The following ITGB5 variants were observed in gnomAD, a reference collection of about 807,000 sequenced individuals.
ITGB5 encodes integrin subunit beta 5.
Under a neutral mutation model 84.8 loss-of-function variants are expected in ITGB5, and 38 were observed. The ratio of observed to expected loss-of-function variants is 0.45; its 90% CI spans 0.35 to 0.59. The LOEUF (loss-of-function observed/expected upper bound fraction) is 0.59, where lower values mean the gene tolerates loss of function less well. Among genes scored for constraint, ITGB5 ranks in the 20% least tolerant of loss-of-function variants. The pLI is 0.01. For missense variants in ITGB5, 905 were observed against 1,034.5 expected, an observed-to-expected ratio of 0.87 and a Z score of 1.72; for synonymous variants, 393 against 414.4, an observed-to-expected ratio of 0.95 and a Z score of 0.63.
At chr3:124,875,255 A>T (rs961881188) in intron 1 of ITGB5, among the ~76,000 whole-genome samples, 1 of 152,140 alleles carries the variant, frequency 6.6e-6, no homozygotes, top group Non-Finnish European at 1.5e-5. Context: ...AGGTGGGTGG[A>T]TCACCTAAGA....
At chr3:124,851,078 C>T (rs140048850) in intron 3 of ITGB5, among the ~76,000 whole-genome samples, 2 of 152,260 alleles carry the variant, frequency 1.3e-5, no homozygotes, top group African/African-American at 4.8e-5. Flanking sequence ...TACTTTTTTA[C>T]GAATTATAAG....
intron 10 of ITGB5, among the ~76,000 whole-genome samples, chr3:124,784,862 G>C (rs536217997): frequency 6.6e-6 from 1 of 152,362 alleles, no homozygotes; most frequent in Non-Finnish European, 1.5e-5. Context: ...GGATGCGAGG[G>C]TTACTATTTT....
In ITGB5 at chr3:124,817,219, T is replaced by C. The variant is rs539473262; in HGVS notation, c.1128+402A>G. Among the ~76,000 whole-genome samples, 195 of 152,342 alleles carry C rather than the reference T, an allele frequency of 1.3e-3. 1 individual carries two copies. The highest frequency in any genetic ancestry group is 2.9e-4 in the Non-Finnish European group (20 of 68,030). On this transcript the variant is annotated intron_variant, in intron 8 of 14. Coordinates refer to ENST00000296181, the MANE Select transcript of ITGB5 (RefSeq NM_002213.5). ...CTTTTCACTTCTTGCAGTGTGGTCC[T>C]GTGGCTGGTGGATGCTCTGCTCCCT...
intron 11 of ITGB5, chr3:124,769,353 C>A: frequency 2.2e-6 from 1 of 461,866 alleles, no homozygotes; most frequent in Admixed American, 3.7e-5. Context: ...AGGTTGCAGA[C>A]CTTTCAAATT....
intron 2 of ITGB5, among the ~76,000 whole-genome samples, chr3:124,867,556 A>T (rs919326955): frequency 1.3e-5 from 2 of 152,204 alleles, no homozygotes; most frequent in African/African-American, 4.8e-5. Context: ...CTTGCGAGTG[A>T]CACGAGCATA....
intron 3 of ITGB5, among the ~76,000 whole-genome samples, chr3:124,856,034 G>A (rs2065218385): frequency 6.6e-6 from 1 of 151,836 alleles, no homozygotes; most frequent in Non-Finnish European, 1.5e-5. Flanking sequence ...CAAACTCCTG[G>A]GTTCAAGGGA....
intron 3 of ITGB5, chr3:124,857,121 A>G (rs1054327285): frequency 1.3e-5 from 2 of 152,218 alleles, no homozygotes; most frequent in Non-Finnish European, 1.5e-5. Flanking sequence ...AAATAGACAA[A>G]ATAAAACATT....
At chr3:124,778,336 T>C (rs1358117217) in intron 10 of ITGB5, among the ~76,000 whole-genome samples, 1 of 152,248 alleles carries the variant, frequency 6.6e-6, no homozygotes, top group African/African-American at 2.4e-5. Flanking sequence ...CAGCTTTCCA[T>C]CAGCAAAAGT....
At chr3:124,849,432 C>A (rs979060217) in intron 3 of ITGB5, among the ~76,000 whole-genome samples, 3 of 152,132 alleles carry the variant, frequency 2.0e-5, no homozygotes, top group Non-Finnish European at 4.4e-5. Context: ...CATGCTTATG[C>A]CACATCACCT....
chr3:124,780,398 T>C (rs1181168946), intron 10 of ITGB5, among the ~76,000 whole-genome samples: 1 of 152,176 alleles, frequency 6.6e-6, no homozygotes, highest in Non-Finnish European at 1.5e-5. Flanking sequence ...CAGCTCAGTG[T>C]TATAACCAGG....
intron 1 of ITGB5, among the ~76,000 whole-genome samples, chr3:124,892,916 G>T (rs1935031945): frequency 6.6e-6 from 1 of 152,044 alleles, no homozygotes; most frequent in Non-Finnish European, 1.5e-5. Flanking sequence ...AACATGCAGG[G>T]AGAAAAAGAG....
intron 4 of ITGB5, among the ~76,000 whole-genome samples, chr3:124,844,379 G>T (rs1451617887): frequency 1.3e-5 from 2 of 152,066 alleles, no homozygotes; most frequent in African/African-American, 4.8e-5. Flanking sequence ...GGCCAACGTG[G>T]TGAAACGCCA....
chr3:124,796,318 G>A, intron 10 of ITGB5, 70 bp downstream of exon 10: 5 of 1,380,030 alleles, frequency 3.6e-6, no homozygotes, highest in Admixed American at 1.9e-5. Flanking sequence ...GTAAAAGGCA[G>A]GCTTTGGGAG....
chr3:124,764,604 G>C (rs1344070151), intron 13 of ITGB5, 47 bp from the exon 14 acceptor site: 1 of 1,563,844 alleles, frequency 6.4e-7, no homozygotes, highest in Admixed American at 1.7e-5. Context: ...GCATCACCAT[G>C]CCCCTCTCAC....
At chr3:124,774,581 A>G (rs4558801) in intron 10 of ITGB5, among the ~76,000 whole-genome samples, 25,081 of 152,162 alleles carry the variant, frequency 0.16, 2,277 homozygotes, top group Admixed American at 0.25. Context: ...CCTCCATGTT[A>G]GCCCAGTGAA....
chr3:124,891,131 A>G (rs943086939), upstream of ITGB5, among the ~76,000 whole-genome samples: 4 of 152,234 alleles, frequency 2.6e-5, no homozygotes, highest in African/African-American at 9.6e-5. Flanking sequence ...GAGAAATTTT[A>G]TGTTTCTTAT....
intron 10 of ITGB5, among the ~76,000 whole-genome samples, chr3:124,795,296 C>T (rs544844710): frequency 1.3e-5 from 2 of 152,156 alleles, no homozygotes; most frequent in East Asian, 1.9e-4. Flanking sequence ...CAAGACCAGC[C>T]TGGCCAACAT....
chr3:124,773,922 TA>T lies in ITGB5; in HGVS notation c.1694-11del. On this transcript the variant is annotated splice_polypyrimidine_tract_variant and intron_variant, in intron 10 of 14. Transcript: ENST00000296181. ...TGACACTCGCCATGGCCTAAAAGGA[TA>T]CATGTGGCACATCAGCACCTGCTCA... 6.2e-7 allele frequency: 1 copy of T among 1,613,146 alleles called. No individual in the cohort carries two copies. The highest frequency in any genetic ancestry group is 1.1e-5 in the South Asian group (1 of 91,052).
intron 2 of ITGB5, among the ~76,000 whole-genome samples, chr3:124,871,168 G>A (rs1324951781): frequency 2.0e-5 from 3 of 151,772 alleles, no homozygotes; most frequent in African/African-American, 4.8e-5. Context: ...TGGGATTACA[G>A]GTGTGAGCCA....
Sources: gnomAD v4.1 joint callset for allele counts (sites outside exome capture counted in the v4.1 genomes callset) on GRCh38, gnomAD v4.1.1 for gene constraint, MANE v1.5 for transcripts, NCBI Gene and HGNC (gene_info 2026-07-23, HGNC 2026-07-21) for gene names.